The following CCDC141 variants were observed in gnomAD, a reference collection of about 807,000 sequenced individuals.
CCDC141 encodes coiled-coil domain-containing protein 141.
A neutral mutation model predicts 181.0 loss-of-function variants in CCDC141; 168 were observed. That is an observed-to-expected ratio of 0.93 (90% CI 0.82 to 1.05). The LOEUF (loss-of-function observed/expected upper bound fraction) is 1.05. Ranked by LOEUF, CCDC141 falls within the 50% of genes least tolerant of loss-of-function variation. The pLI, the probability that CCDC141 is intolerant of heterozygous loss-of-function variation, is 0.00. For missense variants in CCDC141, 1,902 were observed against 1,788.5 expected, an observed-to-expected ratio of 1.06 and a Z score of -1.14; for synonymous variants, 666 against 642.3, an observed-to-expected ratio of 1.04 and a Z score of -0.56.
rs1464431130 is a variant in CCDC141, at chr2:178,832,887, C to G, written c.*1286G>C. 6.6e-6 allele frequency: 1 copy of G among 151,882 alleles called. No homozygotes were observed. The highest frequency in any genetic ancestry group is 2.4e-5 in the African/African-American group (1 of 41,356). The allele number at this position is 151,882 out of a possible 1,614,324, so 9.4% of individuals were successfully genotyped here. ...CTTCAAGCTTATTTTTAAAAGGAAG[C>G]CAAAAAATGATCTTTTCTGAATAAA... On this transcript the variant is annotated 3_prime_UTR_variant, in exon 24 of 24. Coordinates refer to ENST00000443758, the MANE Select transcript of CCDC141 (RefSeq NM_173648.4).
chr2:178,890,321 C>CA (rs1193417149), intron 8 of CCDC141, among the ~76,000 whole-genome samples: 1 of 152,140 alleles, frequency 6.6e-6, no homozygotes, highest in Non-Finnish European at 1.5e-5. Context: ...CAAATGCCCT[C>CA]AGTGTCTATT....
intron 2 of CCDC141, among the ~76,000 whole-genome samples, chr2:179,027,102 G>T (rs938749134): frequency 6.6e-6 from 1 of 152,186 alleles, no homozygotes; most frequent in South Asian, 2.1e-4. Flanking sequence ...AATGAGTTAA[G>T]ACTTTGGGGG....
chr2:178,936,022 A>C (rs377403645), intron 6 of CCDC141, among the ~76,000 whole-genome samples: 5 of 152,110 alleles, frequency 3.3e-5, no homozygotes, highest in African/African-American at 9.6e-5. Flanking sequence ...ATAGTTTATA[A>C]ATATTTTCTC....
Position 179,049,854 on chromosome 2 carries a change from T to C in CCDC141, c.88A>G (p.Ile30Val). The change falls in exon 1 of 24, where the codon ATA becomes GTA. Residue 30 changes from isoleucine (I) to valine (V), a missense_variant. Ile to Val is a conservative substitution (Grantham distance 29). Coordinates refer to ENST00000443758, the MANE Select transcript of CCDC141 (RefSeq NM_173648.4). ...AVQAGDSKIV[I>V]AVIKCGKWVQ... Reference sequence around the variant, plus strand: ...TGTTAGCTTACCTTTATGACAGCTATAACGATTTTGGAGTCCCCAGCCTGC... The same window carrying C: ...TGTTAGCTTACCTTTATGACAGCTACAACGATTTTGGAGTCCCCAGCCTGC... 1.3e-6 allele frequency: 2 copies of C among 1,550,802 alleles called. No individual in the cohort carries two copies. Among genetic ancestry groups the C allele is most frequent in the Non-Finnish European group, 1.7e-6 (2 of 1,146,930 alleles).
intron 2 of CCDC141, among the ~76,000 whole-genome samples, chr2:178,986,845 A>G (rs1691770419): frequency 6.6e-6 from 1 of 150,988 alleles, no homozygotes; most frequent in Non-Finnish European, 1.5e-5. Flanking sequence ...AGAACATTCC[A>G]TGCTCATGGG....
chr2:179,003,202 A>G (rs2042031586), intron 2 of CCDC141, among the ~76,000 whole-genome samples: 1 of 152,198 alleles, frequency 6.6e-6, no homozygotes, highest in South Asian at 2.1e-4. Flanking sequence ...TTTCATGTAT[A>G]AAGATTATGT....
chr2:178,981,941 T>C (rs1022248364), intron 2 of CCDC141, among the ~76,000 whole-genome samples: 8 of 151,460 alleles, frequency 5.3e-5, no homozygotes, highest in African/African-American at 1.9e-4. Flanking sequence ...AAATTACTAA[T>C]ATTGGAAATG....
chr2:178,998,021 A>G (rs941465359), intron 2 of CCDC141, among the ~76,000 whole-genome samples: 1 of 152,216 alleles, frequency 6.6e-6, no homozygotes, highest in Non-Finnish European at 1.5e-5. Context: ...ACAACTTCAT[A>G]TCTGAAAATG....
At chr2:178,944,465 C>G in intron 6 of CCDC141, 70 bp downstream of exon 6, 1 of 650,474 alleles carries the variant, frequency 1.5e-6, no homozygotes, top group Non-Finnish European at 2.4e-6. Flanking sequence ...CTAAATTACC[C>G]ACAGAAGTAT....
chr2:179,041,308 T>G (rs2043294702), intron 2 of CCDC141, among the ~76,000 whole-genome samples: 1 of 152,150 alleles, frequency 6.6e-6, no homozygotes, highest in South Asian at 2.1e-4. Flanking sequence ...GCTGTTTTTT[T>G]GACATTATAA....
intron 7 of CCDC141, among the ~76,000 whole-genome samples, chr2:178,908,072 C>T (rs1688056538): frequency 6.6e-6 from 1 of 152,110 alleles, no homozygotes; most frequent in Admixed American, 6.5e-5. Flanking sequence ...CCTATCCTTC[C>T]ATAACCCATC....
At chr2:178,822,787 C>T in the CCDC141 span, among the ~76,000 whole-genome samples, 4 of 152,218 alleles carry the variant, frequency 2.6e-5, no homozygotes, top group East Asian at 5.8e-4. Flanking sequence ...CATATAAAGG[C>T]ATATCCATCA....
intron 2 of CCDC141, among the ~76,000 whole-genome samples, chr2:178,981,645 T>TATATATATACATACATATATAC (rs1691405164): frequency 3.2e-5 from 3 of 92,964 alleles, no homozygotes; most frequent in Non-Finnish European, 7.7e-5. Flanking sequence ...TGTATATATA[T>TATATATATACATACATATATAC]ATATATATAT....
rs1251424302 is a variant in CCDC141, at chr2:178,893,416, C to T, written c.1266-4748G>A. Reference sequence around the variant, plus strand: ...AATGGCAAGTTGCTTTCAAACCTTTCATAAATTACTATTGTCAGCCCATCT... The same window carrying T: ...AATGGCAAGTTGCTTTCAAACCTTTTATAAATTACTATTGTCAGCCCATCT... On this transcript the variant is annotated intron_variant, in intron 8 of 23. Transcript: ENST00000443758. Among the ~76,000 whole-genome samples, 7 of 152,168 alleles carry T rather than the reference C, an allele frequency of 4.6e-5. No individual in the cohort carries two copies. The East Asian group carries it at 7.7e-4, about 17-fold the overall frequency.
intron 21 of CCDC141, among the ~76,000 whole-genome samples, chr2:178,846,396 T>C (rs1310035240): frequency 6.6e-6 from 1 of 152,172 alleles, no homozygotes; most frequent in Non-Finnish European, 1.5e-5. Context: ...TCACACATGA[T>C]AGAACACACC....
chr2:178,977,086 G>A (rs1273794957), intron 3 of CCDC141, among the ~76,000 whole-genome samples: 1 of 152,130 alleles, frequency 6.6e-6, no homozygotes, highest in Non-Finnish European at 1.5e-5. Flanking sequence ...AGTTTAGTAT[G>A]AAGTGATCCA....
At chr2:178,939,011 G>GT (rs908053865) in intron 6 of CCDC141, among the ~76,000 whole-genome samples, 10 of 151,908 alleles carry the variant, frequency 6.6e-5, no homozygotes, top group South Asian at 2.1e-4. Context: ...AATCTGCATG[G>GT]TTTTTTTTCT....
At chr2:178,999,981 A>T (rs569030159) in intron 2 of CCDC141, among the ~76,000 whole-genome samples, 1 of 152,026 alleles carries the variant, frequency 6.6e-6, no homozygotes, top group East Asian at 1.9e-4. Flanking sequence ...TTCATATTTT[A>T]AAATGGAGAA....
chr2:178,946,554 A>G (rs573352559), intron 5 of CCDC141, among the ~76,000 whole-genome samples: 1 of 152,306 alleles, frequency 6.6e-6, no homozygotes, highest in Admixed American at 6.5e-5. Context: ...TAATAGGGAC[A>G]GTTAATATAG....
Sources: allele counts gnomAD v4.1 joint callset (sites outside exome capture counted in the v4.1 genomes callset), GRCh38; gene constraint gnomAD v4.1.1; transcripts MANE v1.5; gene names NCBI Gene and HGNC (gene_info 2026-07-23, HGNC 2026-07-21).